Variants in POLG observed in about 807,000 individuals in gnomAD.
POLG encodes the protein DNA polymerase subunit gamma-1.
In POLG, 110 loss-of-function variants were observed where a neutral mutation model predicts 155.4. The ratio of observed to expected loss-of-function variants is 0.71; its 90% CI spans 0.61 to 0.83. The LOEUF is 0.83. Among genes scored for constraint, POLG ranks in the 40% least tolerant of loss-of-function variants. The pLI, the probability that POLG is intolerant of heterozygous loss-of-function variation, is 0.00. For synonymous variants in POLG, 701 were observed against 631.5 expected (o/e 1.11, Z -1.65); for missense variants, 1,685 against 1,627.5 (o/e 1.04, Z -0.61).
Position 89,316,728 on chromosome 15 carries a change from A to G in POLG, c.*23T>C, listed in dbSNP as rs1481179865. The G allele has an allele frequency of 1.9e-6, 3 of 1,595,468 alleles. No homozygotes were observed. Among genetic ancestry groups the G allele is most frequent in the Admixed American group, 3.3e-5 (2 of 59,978 alleles). ...CACCCCGATGAAGCTCCACGGGAGC[A>G]AATACAGAGCCTCCAGGCAGTGCTA... On this transcript the variant is annotated 3_prime_UTR_variant, in exon 23 of 23. Transcript: ENST00000268124.
rs765472726 is a variant in POLG at position 89,333,723 on chromosome 15, C to A, written c.32G>T (p.Gly11Val). MSRLLWRKVA[G>V]ATVGPGPVPA... ...AACCGGCCCTGGCCCGACGGTGGCG[C>A]CGGCCACCTTCCTCCAGAGCAGGCG... The change falls in exon 2 of 23, where the codon GGC becomes GTC. Residue 11 changes from glycine (G) to valine (V), a missense_variant. Around this residue, in one of 3 missense-constraint regions of POLG, gnomAD observed 1,210 missense variants for 1,167.1 expected, o/e 1.04. Coordinates refer to ENST00000268124, the MANE Select transcript of POLG (RefSeq NM_002693.3). 7.8e-6 allele frequency: 12 copies of A among 1,536,224 alleles called. No individual in the cohort carries two copies. Among genetic ancestry groups the A allele is most frequent in the Non-Finnish European group, 1.0e-5 (12 of 1,146,898 alleles).
At chr15:89,321,348 T>C (rs979469669) in intron 16 of POLG, 88 bp from the exon 17 acceptor site, 2 of 1,455,656 alleles carry the variant, frequency 1.4e-6, no homozygotes, top group African/African-American at 2.8e-5. Flanking sequence ...GAGCCTTTCC[T>C]GAGGGGATGG....
rs1131691575 is a variant in POLG at position 89,317,469 on chromosome 15, C to T, written c.3550G>A (p.Asp1184Asn). The change falls in exon 22 of 23, where the codon GAT (aspartate) becomes AAT (asparagine). Residue 1184 changes from aspartate (D) to asparagine (N), a missense_variant. Coordinates refer to ENST00000268124, the MANE Select transcript of POLG (RefSeq NM_002693.3). ...PQSVAFFSAV[D>N]IDRCLRKEVT... ...TCCTTCCTGAGGCACCGGTCAATAT[C>T]GACTGCACTGAAAAAGGCGACTGAC... is the stretch of plus-strand genomic sequence containing the variant. 4 of 1,613,976 alleles carry T rather than the reference C, an allele frequency of 2.5e-6. No homozygotes were observed. The highest frequency in any genetic ancestry group is 3.3e-5 in the Admixed American group (2 of 60,008).
At chr15:89,323,567 G>C in intron 12 of POLG, 56 bp from the exon 13 acceptor site, 1 of 1,162,442 alleles carries the variant, frequency 8.6e-7, no homozygotes, top group Non-Finnish European at 1.3e-6. Context: ...ATTCAGCAAG[G>C]GCCATGGGGT....
intron 6 of POLG, among the ~76,000 whole-genome samples, chr15:89,327,711 G>A (rs983690634): frequency 6.6e-6 from 1 of 152,072 alleles, no homozygotes; most frequent in Admixed American, 6.5e-5. Flanking sequence ...AACTTGGGTG[G>A]TAAAATACAG....
rs557179508 is a variant in POLG, at chr15:89,324,158, G to A, written c.2019C>T (p.Ala673=). The change falls in exon 11 of 23, where the codon GCC becomes GCT. Residue 673 remains alanine, a synonymous_variant. Transcript: ENST00000268124. The part of the protein sequence containing the change: ...QGKQQLMPQE[A]GLAEEFLLTD... ...TGAGCAGGAACTCCTCCGCCAGGCC[G>A]GCCTCCTGGGGCATCAGCTGCTGCT... 7.4e-6 allele frequency: 12 copies of A among 1,613,928 alleles called. No homozygotes were observed. The highest frequency in any genetic ancestry group is 4.0e-5 in the African/African-American group (3 of 75,070).
chr15:89,322,590 C>T, intron 14 of POLG, 152 bp downstream of exon 14: 1 of 788,592 alleles, frequency 1.3e-6, no homozygotes, highest in Non-Finnish European at 2.2e-6. Context: ...AGAGGGGAGA[C>T]CTGCCCAAGG....
intron 10 of POLG, among the ~76,000 whole-genome samples, chr15:89,325,131 A>AGT (rs1476054476): frequency 2.0e-4 from 9 of 44,672 alleles, no homozygotes; most frequent in South Asian, 7.8e-4. Flanking sequence ...AGTGAGTGAG[A>AGT]GAGTGAGTGA....
chr15:89,322,533 T>C (rs1257858492), intron 14 of POLG, among the ~76,000 whole-genome samples: 1 of 152,192 alleles, frequency 6.6e-6, no homozygotes, highest in East Asian at 1.9e-4. Flanking sequence ...AGGGCTCTCA[T>C]GGTCCTACAG....
At chr15:89,325,143 AGAGTGAGTGAGTGAGTGAGT>A (rs368838895) in intron 10 of POLG, among the ~76,000 whole-genome samples, 3 of 49,100 alleles carry the variant, frequency 6.1e-5, no homozygotes, top group African/African-American at 4.8e-4. Context: ...AGTGAGTGAG[AGAGTGAGTGAGTGAGTGAGT>A]GAGTGAGAGA....
At position 89,321,186 on chromosome 15, in the gene POLG, C is replaced by G. The variant is rs2152061246; in HGVS notation, c.2673G>C (p.Val891=). The change falls in exon 17 of 23, where the codon GTG becomes GTC. Residue 891 remains valine, a synonymous_variant. Transcript: ENST00000268124. ...CTGCAATCCACAGCTCTTGGGAGTC[C>G]ACATCAGCACCCACAAGGGTGTAGC... ...PPGYTLVGAD[V]DSQELWIAAV... 6.2e-7 allele frequency: 1 copy of G among 1,614,242 alleles called. No homozygotes were observed. The highest frequency in any genetic ancestry group is 8.5e-7 in the Non-Finnish European group (1 of 1,180,042).
In POLG at chr15:89,333,873, A is replaced by G. The variant is rs2055634455; in HGVS notation, c.-119T>C. Reference sequence around the variant, plus strand: ...CACGTCCTGTCTCTGCTCTCCTGTCAGTGAAATGGGTTTGACCATGCCTGC... The same window carrying G: ...CACGTCCTGTCTCTGCTCTCCTGTCGGTGAAATGGGTTTGACCATGCCTGC... On this transcript the variant is annotated 5_prime_UTR_variant, in exon 2 of 23. Coordinates refer to ENST00000268124, the MANE Select transcript of POLG (RefSeq NM_002693.3). 8 of 1,252,736 alleles carry G rather than the reference A, an allele frequency of 6.4e-6. No homozygotes were observed. Among genetic ancestry groups the G allele is most frequent in the Non-Finnish European group, 8.9e-6 (8 of 894,256 alleles). The allele number at this position is 1,252,736 out of a possible 1,614,324, so 77.6% of individuals were successfully genotyped here.
At chr15:89,326,388 G>A (rs1194629907) in intron 9 of POLG, among the ~76,000 whole-genome samples, 1 of 152,212 alleles carries the variant, frequency 6.6e-6, no homozygotes, top group Non-Finnish European at 1.5e-5. Flanking sequence ...GCTGCCACGG[G>A]CCATTGCACA....
intron 9 of POLG, 77 bp downstream of exon 9, chr15:89,326,535 G>C: frequency 6.6e-7 from 1 of 1,515,382 alleles, no homozygotes; most frequent in South Asian, 1.1e-5. Context: ...CTCTGTGCCA[G>C]AACCCAGACC....
chr15:89,329,844 C>T (rs1414887248), intron 3 of POLG, among the ~76,000 whole-genome samples: 5 of 152,168 alleles, frequency 3.3e-5, no homozygotes, highest in African/African-American at 1.2e-4. Context: ...TAAAATGCCA[C>T]AGAGACGAAG....
In POLG at chr15:89,327,231, G is replaced by A. The variant is rs766242100; in HGVS notation, c.1369C>T (p.Arg457Trp). 14 of 1,614,074 alleles carry A rather than the reference G, an allele frequency of 8.7e-6. No homozygotes were observed. Among genetic ancestry groups the A allele is most frequent in the Admixed American group, 6.7e-5 (4 of 60,010 alleles). ...TCCATCAACGACTTCTTCATCTCCC[G>A]CTGGAGCTCCTCATAAGTGCCCTGT... is the stretch of plus-strand genomic sequence containing the variant. ...EAQGTYEELQ[R>W]EMKKSLMDLA... is the part of the protein sequence containing the mutation. The change falls in exon 7 of 23, where the codon CGG (arginine) becomes TGG (tryptophan). Residue 457 changes from arginine (R) to tryptophan (W), a missense_variant. Transcript: ENST00000268124.
Position 89,316,433 on chromosome 15 carries a change from C to A in POLG, c.*318G>T. On this transcript the variant is annotated 3_prime_UTR_variant, in exon 23 of 23. Coordinates refer to ENST00000268124, the MANE Select transcript of POLG (RefSeq NM_002693.3). ...AGAGCATGGGGGACAGAACAAAGAACCAGCCAAGAAGAAAAGGAAAAAATA... is the reference window on the plus strand; with the variant it reads ...AGAGCATGGGGGACAGAACAAAGAAACAGCCAAGAAGAAAAGGAAAAAATA... 6.2e-7 allele frequency: 1 copy of A among 1,611,666 alleles called. No homozygotes were observed. Among genetic ancestry groups the A allele is most frequent in the African/African-American group, 1.3e-5 (1 of 74,902 alleles).
In POLG at chr15:89,319,082, C is replaced by G. The variant is rs796052894; in HGVS notation, c.3122G>C (p.Trp1041Ser). 1 of 1,614,054 alleles carries G rather than the reference C, an allele frequency of 6.2e-7. No homozygotes were observed. Among genetic ancestry groups the G allele is most frequent in the African/African-American group, 1.3e-5 (1 of 74,902 alleles). ...ETARKSQWKKWEVVAERAWKG... is the reference protein window; with the variant it reads ...ETARKSQWKKSEVVAERAWKG... ...CCATGCCCGTTCAGCAACCACCTCCCACTTCTTCCACTGTGACCTAAGGGA... is the reference window on the plus strand; with the variant it reads ...CCATGCCCGTTCAGCAACCACCTCCGACTTCTTCCACTGTGACCTAAGGGA... Residue 1041 changes from tryptophan to serine, a missense_variant, in exon 20 of 23, where the codon TGG becomes TCG. By Grantham distance (177) the Trp-to-Ser change is radical. This residue lies in a region of POLG where 470 missense variants were observed against 439.9 expected (regional missense o/e 1.07). Transcript: ENST00000268124.
At position 89,333,190 on chromosome 15, in the gene POLG, T is replaced by C. The variant is rs769547245; in HGVS notation, c.565A>G (p.Ile189Val). ...GPEGEAVPVA[I>V]PEERALVFDV... is the part of the protein sequence containing the mutation. ...AACACCAGGGCCCGCTCCTCGGGGATGGCCACGGGTACGGCCTCCCCCTCG... is the reference window on the plus strand; with the variant it reads ...AACACCAGGGCCCGCTCCTCGGGGACGGCCACGGGTACGGCCTCCCCCTCG... The change falls in exon 2 of 23, where the codon ATC becomes GTC. Residue 189 changes from isoleucine (I) to valine (V), a missense_variant. Transcript: ENST00000268124. 1.9e-6 allele frequency: 3 copies of C among 1,569,682 alleles called. No homozygotes were observed. The highest frequency in any genetic ancestry group is 1.7e-6 in the Non-Finnish European group (2 of 1,154,746).
Sources: allele counts gnomAD v4.1 joint callset (sites outside exome capture counted in the v4.1 genomes callset), GRCh38; gene constraint gnomAD v4.1.1; regional missense constraint gnomAD v4.1.1; transcripts MANE v1.5; gene names NCBI Gene and HGNC (gene_info 2026-07-23, HGNC 2026-07-21).